Variants in DLGAP2 observed in about 807,000 individuals in gnomAD.
DLGAP2 encodes the protein DLG associated protein 2.
Under a neutral mutation model 100.3 loss-of-function variants are expected in DLGAP2, and 26 were observed. The ratio of observed to expected loss-of-function variants is 0.26; its 90% confidence interval spans 0.19 to 0.36. The LOEUF (loss-of-function observed/expected upper bound fraction) is 0.36, where lower values mean the gene tolerates loss of function less well. Among genes scored for constraint, DLGAP2 ranks in the 10% least tolerant of loss-of-function variants. DLGAP2 has a pLI of 1.00. For synonymous variants in DLGAP2, 886 were observed against 630.1 expected (o/e 1.41, Z -6.08); for missense variants, 1,858 against 1,453.2 (o/e 1.28, Z -4.53).
At chr8:794,957 C>G (rs961077711) in intron 1 of DLGAP2, among the ~76,000 whole-genome samples, 11 of 152,134 alleles carry the variant, frequency 7.2e-5, no homozygotes, top group African/African-American at 2.4e-4. Flanking sequence ...TGTGGCTTGT[C>G]CATCCCTCCA....
chr8:866,588 G>T (rs891495685), intron 1 of DLGAP2, among the ~76,000 whole-genome samples: 10 of 152,266 alleles, frequency 6.6e-5, no homozygotes, highest in African/African-American at 2.4e-4. Flanking sequence ...TGGGGGTCGT[G>T]TCTCTGTGGG....
chr8:1,463,779 G>A (rs902533414), intron 3 of DLGAP2, among the ~76,000 whole-genome samples: 4 of 152,256 alleles, frequency 2.6e-5, no homozygotes, highest in South Asian at 2.1e-4. Flanking sequence ...GGAGCACGGG[G>A]TGGGCGAGCA....
At chr8:1,657,068 A>G (rs1308051578) in intron 8 of DLGAP2, among the ~76,000 whole-genome samples, 1 of 152,208 alleles carries the variant, frequency 6.6e-6, no homozygotes, top group Non-Finnish European at 1.5e-5. Flanking sequence ...TAAAAACCAA[A>G]CAGATACTCA....
At chr8:1,281,505 G>A (rs866272888) in intron 3 of DLGAP2, among the ~76,000 whole-genome samples, 6 of 152,298 alleles carry the variant, frequency 3.9e-5, no homozygotes, top group Middle Eastern at 3.4e-3. Context: ...CAGCCCCGGC[G>A]GAGACAGCCC....
chr8:1,601,947 T>G lies in DLGAP2; in HGVS notation c.1443-24793T>G, dbSNP rs1414839372. Among the ~76,000 whole-genome samples, 4 of 142,972 alleles carry G rather than the reference T, an allele frequency of 2.8e-5. 1 individual carries two copies. Among genetic ancestry groups the G allele is most frequent in the Admixed American group, 6.8e-5 (1 of 14,602 alleles). The allele number at this position is 142,972 out of a possible 152,430, so 93.8% of individuals were successfully genotyped here. ...ATCCTAAAACCTTAATTTAACAGGG[T>G]GTGTGTGTGTGTGTGTGTGTGTGTG... On this transcript the variant is annotated intron_variant, in intron 6 of 14. Coordinates refer to ENST00000637795, the MANE Select transcript of DLGAP2 (RefSeq NM_001346810.2).
At chr8:1,033,909 C>A (rs77751654) in intron 2 of DLGAP2, among the ~76,000 whole-genome samples, 1 of 64,102 alleles carries the variant, frequency 1.6e-5, no homozygotes, top group Admixed American at 1.7e-4. Context: ...TGGACTCACA[C>A]CCTCATCCCG....
intron 1 of DLGAP2, among the ~76,000 whole-genome samples, chr8:818,591 C>T (rs1364191748): frequency 1.3e-5 from 2 of 152,182 alleles, no homozygotes; most frequent in African/African-American, 4.8e-5. Context: ...TGACGTGAGT[C>T]TCTACATGCT....
chr8:1,241,145 C>T (rs78709858), intron 2 of DLGAP2, among the ~76,000 whole-genome samples: 8,037 of 121,986 alleles, frequency 0.066, 1,222 homozygotes, highest in African/African-American at 0.21. Flanking sequence ...AGTTCTCTCA[C>T]GTGGTGCCAT....
At chr8:1,166,722 TCA>T (rs1360147872) in intron 2 of DLGAP2, among the ~76,000 whole-genome samples, 2 of 152,176 alleles carry the variant, frequency 1.3e-5, no homozygotes, top group South Asian at 2.1e-4. Context: ...TCAAAAAACA[TCA>T]CAGTTTACCT....
intron 2 of DLGAP2, among the ~76,000 whole-genome samples, chr8:1,164,719 C>CCT (rs1229644199): frequency 1.3e-5 from 2 of 152,174 alleles, no homozygotes; most frequent in Non-Finnish European, 2.9e-5. Flanking sequence ...GTTTGTCTTT[C>CCT]TGACTCCTCC....
At chr8:1,004,212 A>G (rs1054636012) in intron 2 of DLGAP2, among the ~76,000 whole-genome samples, 101 of 152,214 alleles carry the variant, frequency 6.6e-4, no homozygotes, top group Non-Finnish European at 4.4e-5. Context: ...TGAATGTTGT[A>G]GACTTGCAAT....
intron 3 of DLGAP2, among the ~76,000 whole-genome samples, chr8:1,473,956 A>G (rs1422673843): frequency 6.6e-6 from 1 of 152,120 alleles, no homozygotes; most frequent in Non-Finnish European, 1.5e-5. Flanking sequence ...CCAGTCTTGT[A>G]TATGTCTTCA....
chr8:1,088,604 G>T (rs767702758), intron 2 of DLGAP2, among the ~76,000 whole-genome samples: 3 of 152,142 alleles, frequency 2.0e-5, no homozygotes, highest in Non-Finnish European at 4.4e-5. Context: ...GTCTCCGAAA[G>T]GCAAACAGGC....
chr8:1,694,522 T>A (rs767622232), intron 13 of DLGAP2, among the ~76,000 whole-genome samples: 1 of 152,170 alleles, frequency 6.6e-6, no homozygotes, highest in African/African-American at 2.4e-5. Context: ...AGAAGGCACA[T>A]AATACCGGAA....
At chr8:1,279,396 A>G (rs1298822153) in intron 3 of DLGAP2, among the ~76,000 whole-genome samples, 2 of 152,238 alleles carry the variant, frequency 1.3e-5, no homozygotes, top group African/African-American at 4.8e-5. Context: ...GTCTGTCTTA[A>G]TTGATTTTAC....
At chr8:1,124,079 G>C (rs910466730) in intron 2 of DLGAP2, among the ~76,000 whole-genome samples, 4 of 152,174 alleles carry the variant, frequency 2.6e-5, no homozygotes, top group South Asian at 4.1e-4. Context: ...TCCTGGCACC[G>C]TGAATGTTTC....
In DLGAP2 at chr8:1,515,783, C is replaced by T. The variant is rs150552578; in HGVS notation, c.172+14352C>T. ...GCACAAACATACAACACATACAACA[C>T]ACCTGACCTGTCTGCCCCTCCAGTC... On this transcript the variant is annotated intron_variant, in intron 4 of 14. Transcript: ENST00000637795. 4.2e-4 allele frequency among the ~76,000 whole-genome samples: 64 copies of T among 152,320 alleles called. No homozygotes were observed. The East Asian group carries it at 0.012, about 28-fold the overall frequency.
At chr8:1,286,179 T>C (rs1468524509) in intron 3 of DLGAP2, among the ~76,000 whole-genome samples, 1 of 152,152 alleles carries the variant, frequency 6.6e-6, no homozygotes, top group African/African-American at 2.4e-5. Context: ...GTGATGGTTT[T>C]ATAAGGGGCG....
chr8:878,308 C>T (rs573877247), intron 1 of DLGAP2, among the ~76,000 whole-genome samples: 1 of 152,186 alleles, frequency 6.6e-6, no homozygotes, highest in South Asian at 2.1e-4. Flanking sequence ...GTTTGAGATC[C>T]ATGGGACCCT....
Sources: gnomAD v4.1 joint callset for allele counts (sites outside exome capture counted in the v4.1 genomes callset) on GRCh38, gnomAD v4.1.1 for gene constraint, MANE v1.5 for transcripts, NCBI Gene and HGNC (gene_info 2026-07-23, HGNC 2026-07-21) for gene names.